The following HDAC9 variants were observed in gnomAD, a reference collection of about 807,000 sequenced individuals.
HDAC9 encodes MEF-2 interacting transcription repressor (MITR) protein.
A neutral mutation model predicts 139.4 loss-of-function variants in HDAC9; 41 were observed. The observed-to-expected ratio is 0.29, with a 90% CI of 0.23 to 0.38. The LOEUF (loss-of-function observed/expected upper bound fraction) is 0.38, where lower values mean the gene tolerates loss of function less well. Ranked by LOEUF, HDAC9 falls within the 10% of genes least tolerant of loss-of-function variation. The pLI is 1.00. For missense variants in HDAC9, 1,147 were observed against 1,297.0 expected (o/e 0.88, Z 1.78); for synonymous variants, 517 against 476.2 (o/e 1.09, Z -1.12).
At chr7:18,820,523 C>T (rs989275725) in intron 17 of HDAC9, among the ~76,000 whole-genome samples, 7 of 152,172 alleles carry the variant, frequency 4.6e-5, no homozygotes, top group Admixed American at 3.9e-4. Context: ...GTGTTGTGCT[C>T]CCAAGTCTAA....
At chr7:18,179,487 T>C (rs1391503848) in intron 2 of HDAC9, among the ~76,000 whole-genome samples, 2 of 152,224 alleles carry the variant, frequency 1.3e-5, no homozygotes, top group East Asian at 3.8e-4. Context: ...GGGTTCTATG[T>C]TCTTAACCAC....
At chr7:18,702,462 C>A (rs995056164) in intron 12 of HDAC9, among the ~76,000 whole-genome samples, 3 of 152,152 alleles carry the variant, frequency 2.0e-5, no homozygotes, top group African/African-American at 7.2e-5. Flanking sequence ...TGGGATGCGG[C>A]CTGTAAGGCT....
intron 2 of HDAC9, among the ~76,000 whole-genome samples, chr7:18,546,590 T>C (rs1207690176): frequency 6.6e-6 from 1 of 152,224 alleles, no homozygotes; most frequent in Non-Finnish European, 1.5e-5. Context: ...ACACCTAGGA[T>C]GAAGCTTATA....
rs1334465250 is a variant in HDAC9 at position 19,000,529 on chromosome 7, T to C, written c.*4467T>C. On this transcript the variant is annotated 3_prime_UTR_variant, in exon 26 of 26. Transcript: ENST00000686413. ...AATCAACTGCAGTCCGTTTTATCTA[T>C]GATATTCCTGGCTTCGTATAATGGT... The C allele has an allele frequency of 6.6e-6, 1 of 152,238 alleles. No individual in the cohort carries two copies. Among genetic ancestry groups the C allele is most frequent in the Non-Finnish European group, 1.5e-5 (1 of 68,044 alleles). 9.4% of individuals were successfully genotyped at this position (152,238 alleles called of 1,614,324 possible).
At chr7:18,926,697 A>G (rs908781612) in intron 22 of HDAC9, among the ~76,000 whole-genome samples, 1 of 152,156 alleles carries the variant, frequency 6.6e-6, no homozygotes, top group Admixed American at 6.5e-5. Context: ...CATTCTTGCC[A>G]TTTATTTTCT....
At chr7:18,423,767 T>C (rs919735295) in intron 1 of HDAC9, among the ~76,000 whole-genome samples, 7 of 152,186 alleles carry the variant, frequency 4.6e-5, no homozygotes, top group East Asian at 1.9e-4. Context: ...AGGCCTCTTA[T>C]AGGCTAGATC....
chr7:18,527,240 A>G (rs913423390), intron 2 of HDAC9, among the ~76,000 whole-genome samples: 1 of 152,120 alleles, frequency 6.6e-6, no homozygotes, highest in Non-Finnish European at 1.5e-5. Context: ...GCTACCTGAT[A>G]CTAATTTTTG....
intron 2 of HDAC9, among the ~76,000 whole-genome samples, chr7:18,547,014 A>G (rs1014276168): frequency 2.0e-5 from 3 of 152,194 alleles, no homozygotes; most frequent in Non-Finnish European, 2.9e-5. Context: ...TATTCAGCCT[A>G]TAAAAGTTAT....
At chr7:18,189,750 C>G (rs1056186972) in intron 2 of HDAC9, among the ~76,000 whole-genome samples, 1 of 152,176 alleles carries the variant, frequency 6.6e-6, no homozygotes, top group Non-Finnish European at 1.5e-5. Context: ...GTCACCCTTT[C>G]TCACGCATTA....
intron 2 of HDAC9, among the ~76,000 whole-genome samples, chr7:18,523,235 T>C (rs146047188): frequency 4.6e-5 from 7 of 152,334 alleles, no homozygotes; most frequent in South Asian, 2.1e-4. Flanking sequence ...AAGAGCTGCA[T>C]GATCAGAAAT....
chr7:18,155,001 G>A (rs185102294), intron 1 of HDAC9, among the ~76,000 whole-genome samples: 66 of 152,192 alleles, frequency 4.3e-4, no homozygotes, highest in Admixed American at 8.5e-4. Context: ...CCTTCACTTC[G>A]ACTATTACTT....
chr7:18,701,443 A>C (rs757805700), intron 12 of HDAC9, among the ~76,000 whole-genome samples: 6 of 151,828 alleles, frequency 4.0e-5, no homozygotes, highest in Non-Finnish European at 7.4e-5. Flanking sequence ...ACTGTACTAT[A>C]GTACCACAGT....
At chr7:18,939,189 A>G (rs1477869794) in intron 23 of HDAC9, among the ~76,000 whole-genome samples, 4 of 152,210 alleles carry the variant, frequency 2.6e-5, no homozygotes, top group Non-Finnish European at 5.9e-5. Flanking sequence ...AATATAAACT[A>G]AAGGAAGGGA....
At chr7:18,196,286 G>T (rs930633663) in intron 2 of HDAC9, among the ~76,000 whole-genome samples, 19 of 152,200 alleles carry the variant, frequency 1.2e-4, no homozygotes, top group Non-Finnish European at 2.2e-4. Flanking sequence ...AGACAGAATA[G>T]TGTAGAGGAA....
chr7:18,728,918 G>T (rs1340363041), intron 13 of HDAC9, among the ~76,000 whole-genome samples: 1 of 152,146 alleles, frequency 6.6e-6, no homozygotes. Flanking sequence ...TAGGAGCTAT[G>T]AGCTGGGTCT....
intron 22 of HDAC9, among the ~76,000 whole-genome samples, chr7:18,886,670 C>G (rs895212899): frequency 5.9e-5 from 9 of 152,138 alleles, no homozygotes; most frequent in Non-Finnish European, 1.3e-4. Flanking sequence ...AATGGCCTTC[C>G]TAATCTAATA....
chr7:18,912,640 G>C (rs1055597024), intron 22 of HDAC9, among the ~76,000 whole-genome samples: 3 of 152,066 alleles, frequency 2.0e-5, no homozygotes, highest in African/African-American at 7.2e-5. Context: ...ACATTCTACA[G>C]TGCACTGGAC....
At chr7:18,310,667 T>C (rs557880865) in intron 1 of HDAC9, among the ~76,000 whole-genome samples, 1 of 152,292 alleles carries the variant, frequency 6.6e-6, no homozygotes, top group African/African-American at 2.4e-5. Context: ...TTGTCCATGA[T>C]ACCAATTCAG....
chr7:18,244,461 A>G (rs1794385991), intron 2 of HDAC9, among the ~76,000 whole-genome samples: 1 of 152,188 alleles, frequency 6.6e-6, no homozygotes, highest in African/African-American at 2.4e-5. Context: ...GACAAATGGC[A>G]TATTGTCCTT....
Sources: gnomAD v4.1 joint callset for allele counts (sites outside exome capture counted in the v4.1 genomes callset) on GRCh38, gnomAD v4.1.1 for gene constraint, MANE v1.5 for transcripts, NCBI Gene and HGNC (gene_info 2026-07-23, HGNC 2026-07-21) for gene names.